The following MACROD1 variants were observed in gnomAD, a reference collection of about 807,000 sequenced individuals.
The protein encoded by MACROD1 is ADP-ribose glycohydrolase MACROD1.
A neutral mutation model predicts 41.4 loss-of-function variants in MACROD1; 31 were observed. The ratio of observed to expected loss-of-function variants is 0.75; its 90% CI spans 0.56 to 1.01. The LOEUF is 1.01. Among genes scored for constraint, MACROD1 ranks in the 50% least tolerant of loss-of-function variants. MACROD1 has a pLI of 0.00. For synonymous variants in MACROD1, 252 were observed against 203.4 expected, an observed-to-expected ratio of 1.24 and a Z score of -2.03; for missense variants, 473 against 460.0, an observed-to-expected ratio of 1.03 and a Z score of -0.26.
At chr11:64,009,127 G>A (rs1338790420) in intron 4 of MACROD1, 3 of 152,112 alleles carry the variant, frequency 2.0e-5, no homozygotes, top group Admixed American at 6.5e-5. Flanking sequence ...CCTTATCTCC[G>A]AGTAAACATT....
intron 3 of MACROD1, among the ~76,000 whole-genome samples, chr11:64,127,422 C>T (rs972728904): frequency 9.9e-5 from 15 of 151,270 alleles, no homozygotes; most frequent in Non-Finnish European, 2.1e-4. Flanking sequence ...ACCCCCTCCC[C>T]GGACCTTGCC....
rs1008582890 is a variant in MACROD1, at chr11:64,064,011, G to A, written c.518-48730C>T. ...GGCTCCTCTTGTCAGGCAGCCGCAGGGAGAGAGCGCATCTTCACTGGATCT... is the reference window on the plus strand; with the variant it reads ...GGCTCCTCTTGTCAGGCAGCCGCAGAGAGAGAGCGCATCTTCACTGGATCT... On this transcript the variant is annotated intron_variant, in intron 3 of 10. Coordinates refer to ENST00000255681, the MANE Select transcript of MACROD1 (RefSeq NM_014067.4). This position sits in a 1 kb window ranked among gnomAD's most constrained non-coding sequence, Gnocchi z 4.5. Among the ~76,000 whole-genome samples the A allele has an allele frequency of 6.6e-6, 1 of 152,142 alleles. No individual in the cohort carries two copies. Among genetic ancestry groups the A allele is most frequent in the Non-Finnish European group, 1.5e-5 (1 of 68,034 alleles).
intron 3 of MACROD1, among the ~76,000 whole-genome samples, chr11:64,035,416 G>A (rs539942957): frequency 6.6e-6 from 1 of 152,270 alleles, no homozygotes; most frequent in East Asian, 1.9e-4. Context: ...TGAATGAATG[G>A]ATGGCTGGAG....
chr11:64,020,573 C>T (rs1565197080), intron 3 of MACROD1, among the ~76,000 whole-genome samples: 1 of 152,064 alleles, frequency 6.6e-6, no homozygotes, highest in Non-Finnish European at 1.5e-5. Context: ...GCTCTCCAGC[C>T]CCAGACCCTT....
intron 3 of MACROD1, among the ~76,000 whole-genome samples, chr11:64,046,924 C>T (rs185390801): frequency 2.6e-5 from 4 of 152,336 alleles, no homozygotes; most frequent in African/African-American, 4.8e-5. Context: ...AGTCAAGTCA[C>T]GCACTAGCTC....
chr11:64,106,928 C>T (rs1232186447), intron 3 of MACROD1, among the ~76,000 whole-genome samples: 1 of 152,076 alleles, frequency 6.6e-6, no homozygotes, highest in African/African-American at 2.4e-5. Flanking sequence ...GTCACTCGGG[C>T]TGGAGTGCAG....
At chr11:64,121,134 G>A (rs938201058) in intron 3 of MACROD1, among the ~76,000 whole-genome samples, 4 of 152,076 alleles carry the variant, frequency 2.6e-5, no homozygotes, top group Admixed American at 1.3e-4. Context: ...GCCCAGCCAC[G>A]CCCTCCGAGA....
intron 3 of MACROD1, among the ~76,000 whole-genome samples, chr11:64,016,958 A>ATTTC (rs57523907): frequency 0.011 from 1,622 of 151,952 alleles, 20 homozygotes; most frequent in African/African-American, 0.037. Context: ...ACAAATGCAC[A>ATTTC]TTTCTTTCTT....
At chr11:64,116,521 C>T (rs1944984968) in intron 3 of MACROD1, 1 of 1,614,064 alleles carries the variant, frequency 6.2e-7, no homozygotes, top group Middle Eastern at 1.6e-4. Context: ...GATGCCACCA[C>T]CCTCTACCTG....
At chr11:64,145,212 C>T (rs563105067) in intron 3 of MACROD1, among the ~76,000 whole-genome samples, 10 of 152,184 alleles carry the variant, frequency 6.6e-5, no homozygotes, top group Non-Finnish European at 1.5e-4. Flanking sequence ...AATCTCCCTG[C>T]GAGGTCGGCT....
chr11:64,126,383 G>C (rs1196829856), intron 3 of MACROD1, among the ~76,000 whole-genome samples: 1 of 152,066 alleles, frequency 6.6e-6, no homozygotes, highest in Non-Finnish European at 1.5e-5. Flanking sequence ...GTGTGGCGTC[G>C]AAATAGGCTA....
Position 64,117,487 on chromosome 11 carries a change from G to T in MACROD1, c.517+33752C>A, listed in dbSNP as rs781403833. On this transcript the variant is annotated intron_variant, in intron 3 of 10. Coordinates refer to ENST00000255681, the MANE Select transcript of MACROD1 (RefSeq NM_014067.4). ...CACGCCTCTGCCACCACGCCCCAGG[G>T]TTCCCTGTTTACCCTCAAGGCCAAA... 4 of 1,612,232 alleles carry T rather than the reference G, an allele frequency of 2.5e-6. No homozygotes were observed. The South Asian group carries it at 4.4e-5, about 18-fold the overall frequency.
At chr11:64,099,551 T>C (rs1944634851) in intron 3 of MACROD1, among the ~76,000 whole-genome samples, 1 of 150,600 alleles carries the variant, frequency 6.6e-6, no homozygotes, top group Non-Finnish European at 1.5e-5. Context: ...GATGGAGAGA[T>C]GGATGGATGG....
chr11:64,077,655 G>T (rs2094672429), intron 3 of MACROD1, among the ~76,000 whole-genome samples: 1 of 152,142 alleles, frequency 6.6e-6, no homozygotes, highest in African/African-American at 2.4e-5. Flanking sequence ...AGAGGCACAT[G>T]CTGGCACACC....
intron 1 of MACROD1, among the ~76,000 whole-genome samples, chr11:64,162,061 T>C (rs1220990048): frequency 7.4e-6 from 1 of 134,972 alleles, no homozygotes; most frequent in Non-Finnish European, 1.6e-5. Flanking sequence ...TTTTAAAACA[T>C]TAGCAGCCCA....
At chr11:64,150,773 T>G (rs1320935853) in intron 3 of MACROD1, among the ~76,000 whole-genome samples, 1 of 152,168 alleles carries the variant, frequency 6.6e-6, no homozygotes, top group Non-Finnish European at 1.5e-5. Flanking sequence ...CAGCTCCTGT[T>G]TCTAGGCTCT....
chr11:64,050,365 C>T (rs1943669657), intron 3 of MACROD1, among the ~76,000 whole-genome samples: 1 of 152,218 alleles, frequency 6.6e-6, no homozygotes, highest in Non-Finnish European at 1.5e-5. Flanking sequence ...GTGCAGGCCA[C>T]CTAGGGGCAG....
chr11:64,010,771 G>A lies in MACROD1; in HGVS notation c.547+4481C>T, dbSNP rs566636537. Among the ~76,000 whole-genome samples, 157 of 146,512 alleles carry A rather than the reference G, an allele frequency of 1.1e-3. 2 individuals carry two copies. Among genetic ancestry groups the A allele is most frequent in the African/African-American group, 3.0e-3 (119 of 39,526 alleles). On this transcript the variant is annotated intron_variant, in intron 4 of 10. Coordinates refer to ENST00000255681, the MANE Select transcript of MACROD1 (RefSeq NM_014067.4). ...TGTTGGCTGGCATATTGGTTGGCAC[G>A]AGTTGGTTGGGGTGTTTGGGATGTT...
intron 3 of MACROD1, among the ~76,000 whole-genome samples, chr11:64,104,649 G>A (rs142189383): frequency 2.4e-4 from 36 of 152,230 alleles, no homozygotes; most frequent in African/African-American, 7.2e-4. Context: ...ATCAGGGCCC[G>A]CCCCTGTTCT....
Sources: allele counts gnomAD v4.1 joint callset (sites outside exome capture counted in the v4.1 genomes callset), GRCh38; gene constraint gnomAD v4.1.1; non-coding constraint Gnocchi (gnomAD v3.1); transcripts MANE v1.5; gene names NCBI Gene and HGNC (gene_info 2026-07-23, HGNC 2026-07-21).